The following MCTP2 variants were observed in gnomAD, a reference collection of about 807,000 sequenced individuals.
The protein encoded by MCTP2 is multiple C2 and transmembrane domain-containing protein 2.
In MCTP2, 132 loss-of-function variants were observed where a neutral mutation model predicts 111.6. The ratio of observed to expected loss-of-function variants is 1.18; its 90% CI spans 1.03 to 1.37. MCTP2 has a LOEUF of 1.37. MCTP2 is among the 40% of genes most tolerant of loss of function. The probability of loss-of-function intolerance (pLI) is 0.00; values close to 1 mark genes in which losing one functional copy is unlikely to be tolerated. For missense variants in MCTP2, 1,183 were observed against 1,067.9 expected (o/e 1.11, Z -1.50); for synonymous variants, 395 against 387.7 (o/e 1.02, Z -0.22).
intron 1 of MCTP2, among the ~76,000 whole-genome samples, chr15:94,269,625 T>C (rs895880370): frequency 2.3e-4 from 35 of 152,348 alleles, no homozygotes; most frequent in African/African-American, 7.7e-4. Context: ...TAGCCATTGC[T>C]GTAGACAGTT....
chr15:94,317,601 C>G (rs2076429672), intron 4 of MCTP2, among the ~76,000 whole-genome samples: 1 of 152,176 alleles, frequency 6.6e-6, no homozygotes, highest in Admixed American at 6.5e-5. Context: ...CTGCTGCCTC[C>G]AAGCCTGGAG....
intron 1 of MCTP2, among the ~76,000 whole-genome samples, chr15:94,251,953 C>T (rs1321384044): frequency 6.6e-6 from 1 of 152,194 alleles, no homozygotes; most frequent in Non-Finnish European, 1.5e-5. Flanking sequence ...CACGTCCTAG[C>T]AATTGCCAGA....
chr15:94,444,963 G>T (rs1489295518), intron 19 of MCTP2, among the ~76,000 whole-genome samples: 1 of 152,156 alleles, frequency 6.6e-6, no homozygotes, highest in African/African-American at 2.4e-5. Flanking sequence ...TGGAAACATG[G>T]TATTCAGTGA....
At chr15:94,397,339 T>C (rs1464531717) in intron 14 of MCTP2, among the ~76,000 whole-genome samples, 4 of 152,242 alleles carry the variant, frequency 2.6e-5, no homozygotes, top group African/African-American at 9.6e-5. Context: ...TGTTCTTCTG[T>C]TATTCTTTGC....
intron 14 of MCTP2, among the ~76,000 whole-genome samples, chr15:94,387,049 G>C (rs1023690706): frequency 6.6e-6 from 1 of 152,106 alleles, no homozygotes; most frequent in African/African-American, 2.4e-5. Context: ...TATTTTGAAG[G>C]ATCTGGTTTG....
intron 1 of MCTP2, among the ~76,000 whole-genome samples, chr15:94,244,631 C>A (rs527946749): frequency 1.4e-5 from 2 of 146,892 alleles, no homozygotes; most frequent in Non-Finnish European, 3.0e-5. Flanking sequence ...CATACATATG[C>A]ACCTATGTTT....
At chr15:94,421,398 C>A (rs2082623617) in intron 17 of MCTP2, among the ~76,000 whole-genome samples, 1 of 152,148 alleles carries the variant, frequency 6.6e-6, no homozygotes, top group Admixed American at 6.5e-5. Context: ...GACAAATTAT[C>A]AAAGACATAA....
At chr15:94,476,387 G>A (rs976475888) in intron 21 of MCTP2, 1 of 193,238 alleles carries the variant, frequency 5.2e-6, no homozygotes, top group African/African-American at 2.4e-5. Context: ...ATTGTAATGG[G>A]ATTTTCACAG....
At chr15:94,391,007 G>A (rs1257573668) in intron 14 of MCTP2, among the ~76,000 whole-genome samples, 1 of 152,172 alleles carries the variant, frequency 6.6e-6, no homozygotes, top group South Asian at 2.1e-4. Context: ...TGGGATTACA[G>A]GCGTGAGCCA....
At chr15:94,325,026 TGGGCACCTCTGTTAGGCTTG>T (rs1272401801) in intron 4 of MCTP2, among the ~76,000 whole-genome samples, 2 of 152,322 alleles carry the variant, frequency 1.3e-5, no homozygotes, top group Middle Eastern at 3.4e-3. Context: ...GGCAGCCCTC[TGGGCACCTCTGTTAGGCTTG>T]GGCCACCATA....
intron 14 of MCTP2, among the ~76,000 whole-genome samples, chr15:94,394,937 G>A (rs1217496797): frequency 6.6e-6 from 1 of 152,270 alleles, no homozygotes; most frequent in East Asian, 1.9e-4. Context: ...TCTCAAAAAG[G>A]AAGAAGTGAG....
intron 1 of MCTP2, among the ~76,000 whole-genome samples, chr15:94,243,909 ATG>A (rs1420265617): frequency 1.6e-5 from 2 of 128,296 alleles, no homozygotes; most frequent in Admixed American, 7.5e-5. Context: ...ACACATACAT[ATG>A]TGTATATATT....
At position 94,379,091 on chromosome 15, in the gene MCTP2, C is replaced by CT. The variant is rs929765247; in HGVS notation, c.1583-4925dup. 8.0e-4 allele frequency among the ~76,000 whole-genome samples: 120 copies of CT among 149,294 alleles called. 1 individual carries two copies. The highest frequency in any genetic ancestry group is 2.6e-3 in the African/African-American group (101 of 39,546). On this transcript the variant is annotated intron_variant, in intron 12 of 22. Coordinates refer to ENST00000357742, the MANE Select transcript of MCTP2 (RefSeq NM_001385001.1). ...TTTTGTTTTTTTTTTTAATGTTTTC[C>CT]TTTTTTGGAGAGCAAGGAGATTGGA...
At chr15:94,270,713 CCCACACTTTCTT>C (rs1235487809) in intron 1 of MCTP2, among the ~76,000 whole-genome samples, 1 of 152,156 alleles carries the variant, frequency 6.6e-6, no homozygotes, top group Non-Finnish European at 1.5e-5. Flanking sequence ...CTGGTGTTCT[CCCACACTTTCTT>C]CCACATTCTG....
chr15:94,391,015 C>T (rs1160279191), intron 14 of MCTP2, among the ~76,000 whole-genome samples: 2 of 152,168 alleles, frequency 1.3e-5, no homozygotes, highest in African/African-American at 2.4e-5. Flanking sequence ...CAGGCGTGAG[C>T]CACCATGCCC....
At chr15:94,348,835 C>A (rs573893300) in intron 8 of MCTP2, among the ~76,000 whole-genome samples, 1 of 152,076 alleles carries the variant, frequency 6.6e-6, no homozygotes, top group East Asian at 2.0e-4. Flanking sequence ...TGTTTTCATG[C>A]ATTCTTCACT....
At chr15:94,466,342 T>C (rs151121659) in intron 20 of MCTP2, among the ~76,000 whole-genome samples, 2 of 152,116 alleles carry the variant, frequency 1.3e-5, no homozygotes, top group East Asian at 1.9e-4. Context: ...AACATCATAG[T>C]TGATGATGCA....
intron 19 of MCTP2, among the ~76,000 whole-genome samples, chr15:94,446,303 T>G (rs1175742150): frequency 6.6e-6 from 1 of 152,198 alleles, no homozygotes; most frequent in African/African-American, 2.4e-5. Flanking sequence ...AGAAATTGCT[T>G]GTTACAAGTC....
At chr15:94,379,808 TTATATGACATAATTA>T (rs1307060399) in intron 12 of MCTP2, among the ~76,000 whole-genome samples, 2 of 144,754 alleles carry the variant, frequency 1.4e-5, no homozygotes, top group African/African-American at 5.1e-5. Context: ...TAATATATAA[TTATATGACATAATTA>T]TATATGACAT....
Sources: gnomAD v4.1 joint callset for allele counts (sites outside exome capture counted in the v4.1 genomes callset) on GRCh38, gnomAD v4.1.1 for gene constraint, MANE v1.5 for transcripts, NCBI Gene and HGNC (gene_info 2026-07-23, HGNC 2026-07-21) for gene names.